SETD1A: variants seen among roughly 807,000 people sequenced by gnomAD.
The protein encoded by SETD1A is SET domain containing 1A, histone lysine methyltransferase.
SETD1A carries 29 observed loss-of-function variants against 149.9 expected under a neutral mutation model. The observed-to-expected ratio is 0.19, with a 90% CI of 0.14 to 0.26. The LOEUF (loss-of-function observed/expected upper bound fraction) is 0.26. Ranked by LOEUF, SETD1A falls within the 10% of genes least tolerant of loss-of-function variation. The pLI, the probability that SETD1A is intolerant of heterozygous loss-of-function variation, is 1.00. For synonymous variants in SETD1A, 1,141 were observed against 968.5 expected, an observed-to-expected ratio of 1.18 and a Z score of -3.31; for missense variants, 2,109 against 2,353.1, an observed-to-expected ratio of 0.90 and a Z score of 2.15.
chr16:30,960,833 T>G (rs2056043290), intron 3 of SETD1A, among the ~76,000 whole-genome samples: 1 of 150,648 alleles, frequency 6.6e-6, no homozygotes, highest in Non-Finnish European at 1.5e-5. Context: ...CCTGCCAGGT[T>G]CAAGTGATTC....
In SETD1A at chr16:30,964,767, C is replaced by G. The variant is rs1016909934; in HGVS notation, c.1025C>G (p.Ser342Cys). Residue 342 changes from serine to cysteine, a missense_variant, in exon 7 of 19, where the codon TCC becomes TGC. Around this residue, in one of 8 missense-constraint regions of SETD1A, gnomAD observed 410 missense variants for 394.8 expected, o/e 1.04. Transcript: ENST00000262519. Reference sequence around the variant, plus strand: ...ACTGCCTCATCCTCCGCCTCTTCCTCCTCATTGTCCTCGTCCTCCTCGTCA... The same window carrying G: ...ACTGCCTCATCCTCCGCCTCTTCCTGCTCATTGTCCTCGTCCTCCTCGTCA... The part of the protein sequence containing the change: ...AATASSSASS[S>C]SLSSSSSSSS... 1.2e-5 allele frequency: 20 copies of G among 1,614,118 alleles called. No homozygotes were observed. Among genetic ancestry groups the G allele is most frequent in the Non-Finnish European group, 1.7e-5 (20 of 1,180,046 alleles).
rs142382768 is a variant in SETD1A, at chr16:30,966,175, C to T, written c.2294C>T (p.Ser765Leu). The stretch of plus-strand genomic sequence containing the variant: ...GAGCCCCTGCCCTCCTCCTCAGTCT[C>T]GGGAGAGGAGGCCCGGCTGCCACCC... ...AAEPLPSSSV[S>L]GEEARLPPRE... The change falls in exon 8 of 19, where the codon TCG (serine) becomes TTG (leucine). Residue 765 changes from serine to leucine, a missense_variant. Around this residue, in one of 8 missense-constraint regions of SETD1A, gnomAD observed 431 missense variants for 388.6 expected, o/e 1.11. Transcript: ENST00000262519. 80 of 1,611,068 alleles carry T rather than the reference C, an allele frequency of 5.0e-5. No individual in the cohort carries two copies. Among genetic ancestry groups the T allele is most frequent in the Middle Eastern group, 1.6e-4 (1 of 6,082 alleles).
chr16:30,977,569 C>T (rs189969748), intron 13 of SETD1A, among the ~76,000 whole-genome samples: 172 of 152,298 alleles, frequency 1.1e-3, no homozygotes, highest in Non-Finnish European at 1.9e-3. Context: ...CGAGGCTTCC[C>T]GAGGACATGC....
intron 13 of SETD1A, 100 bp from the exon 14 acceptor site, chr16:30,979,045 G>A (rs997923347): frequency 8.9e-6 from 11 of 1,235,566 alleles, no homozygotes; most frequent in Middle Eastern, 5.7e-4. Flanking sequence ...GTTCCTGGGC[G>A]GAAGTGGGGG....
chr16:30,965,949 C>T lies in SETD1A; in HGVS notation c.2068C>T (p.Leu690Phe), dbSNP rs1032607781. The change falls in exon 8 of 19, where the codon CTC becomes TTC. Residue 690 changes from leucine to phenylalanine, a missense_variant. Physicochemically the swap from Leu to Phe is conservative, Grantham distance 22. This residue lies in a region of SETD1A where 431 missense variants were observed against 388.6 expected (regional missense o/e 1.11). Transcript: ENST00000262519. Reference sequence around the variant, plus strand: ...GATGCAGACCCAGATGTTAACTCGGCTCCATCAGCTGCGGCAGGGCAAGGG... The same window carrying T: ...GATGCAGACCCAGATGTTAACTCGGTTCCATCAGCTGCGGCAGGGCAAGGG... ...FQMQTQMLTR[L>F]HQLRQGKGLI... 3 of 1,607,236 alleles carry T rather than the reference C, an allele frequency of 1.9e-6. No individual in the cohort carries two copies. The highest frequency in any genetic ancestry group is 2.5e-6 in the Non-Finnish European group (3 of 1,176,594).
chr16:30,967,734 G>C (rs1596679037), intron 10 of SETD1A, 146 bp downstream of exon 10: 1 of 673,774 alleles, frequency 1.5e-6, no homozygotes, highest in African/African-American at 1.8e-5. Context: ...TGAGAGGTAT[G>C]GGATGCACCA....
At chr16:30,970,946 T>C (rs2056216442) in intron 12 of SETD1A, among the ~76,000 whole-genome samples, 1 of 152,196 alleles carries the variant, frequency 6.6e-6, no homozygotes, top group African/African-American at 2.4e-5. Flanking sequence ...TTTTTTAACC[T>C]TTTCAGCCCA....
rs775916503 is a variant in SETD1A at position 30,969,354 on chromosome 16, G to A, written c.2820G>A (p.Lys940=). Residue 940 remains lysine (K), a synonymous_variant, in exon 11 of 19, where the codon AAG becomes AAA. Transcript: ENST00000262519. The stretch of plus-strand genomic sequence containing the variant: ...GAGAGCCAGGACGTCCGGGGACCAA[G>A]CCCCCGAAGCGGGACGAAGAGCGAG... The part of the protein sequence containing the change: ...EAGEPGRPGT[K]PPKRDEERGK... 70 of 1,614,108 alleles carry A rather than the reference G, an allele frequency of 4.3e-5. No homozygotes were observed. The highest frequency in any genetic ancestry group is 1.5e-4 in the African/African-American group (11 of 74,950).
intron 13 of SETD1A, among the ~76,000 whole-genome samples, chr16:30,977,287 C>G (rs1301953420): frequency 6.6e-6 from 1 of 152,056 alleles, no homozygotes; most frequent in Non-Finnish European, 1.5e-5. Context: ...TCAGTCACCA[C>G]CGTCTTAGTG....
At chr16:30,959,743 C>A (rs376478086) in intron 3 of SETD1A, among the ~76,000 whole-genome samples, 9 of 31,086 alleles carry the variant, frequency 2.9e-4, no homozygotes, top group East Asian at 0.026. Flanking sequence ...TCCCTTCATT[C>A]TTCTTCTTCT....
rs780795627 is a variant in SETD1A at position 30,965,185 on chromosome 16, C to G, written c.1443C>G (p.Pro481=). Residue 481 remains proline (P), a synonymous_variant, in exon 7 of 19, where the codon CCC becomes CCG. Coordinates refer to ENST00000262519, the MANE Select transcript of SETD1A (RefSeq NM_014712.3). ...PAPETTNESV[P]FAQHSSLDSR... ...CGGAGACCACCAATGAGAGTGTGCC[C>G]TTCGCCCAGCACAGCAGCCTGGATT... is the stretch of plus-strand genomic sequence containing the variant. 2 of 1,614,052 alleles carry G rather than the reference C, an allele frequency of 1.2e-6. No individual in the cohort carries two copies. Among genetic ancestry groups the G allele is most frequent in the East Asian group, 2.2e-5 (1 of 44,874 alleles).
At chr16:30,962,541 G>T (rs1305417191) in intron 4 of SETD1A, among the ~76,000 whole-genome samples, 1 of 152,246 alleles carries the variant, frequency 6.6e-6, no homozygotes, top group Non-Finnish European at 1.5e-5. Flanking sequence ...GAGCAGTGGG[G>T]TCTGTGGCGA....
chr16:30,969,871 G>A lies in SETD1A; in HGVS notation c.3016+182G>A, dbSNP rs191325741. On this transcript the variant is annotated intron_variant, in intron 12 of 18. Coordinates refer to ENST00000262519, the MANE Select transcript of SETD1A (RefSeq NM_014712.3). Reference sequence around the variant, plus strand: ...TGGCCCCTTGACAGCAATAAGCTCAGTGCTCAAAATGCTCCCTCCTGCTCC... The same window carrying A: ...TGGCCCCTTGACAGCAATAAGCTCAATGCTCAAAATGCTCCCTCCTGCTCC... Among the ~76,000 whole-genome samples the A allele has an allele frequency of 7.2e-5, 11 of 152,318 alleles. No homozygotes were observed. The East Asian group carries it at 2.1e-3, about 29-fold the overall frequency.
chr16:30,967,702 C>A, intron 10 of SETD1A, 114 bp downstream of exon 10: 1 of 825,424 alleles, frequency 1.2e-6, no homozygotes, highest in Non-Finnish European at 2.0e-6. Flanking sequence ...GGTGGAGGTG[C>A]AGGGTTGAAA....
At chr16:30,964,040 C>T (rs1337817838) in intron 5 of SETD1A, 54 bp from the exon 6 acceptor site, 31 of 1,400,422 alleles carry the variant, frequency 2.2e-5, no homozygotes, top group Non-Finnish European at 3.1e-5. Flanking sequence ...AAGGGCAGGT[C>T]TCAAGTGGTG....
chr16:30,965,087 C>G lies in SETD1A; in HGVS notation c.1345C>G (p.Pro449Ala), dbSNP rs1021150813. 10 of 1,611,200 alleles carry G rather than the reference C, an allele frequency of 6.2e-6. No homozygotes were observed. In the Admixed American group the frequency reaches 6.7e-5, roughly 11 times the overall value. Residue 449 changes from proline (P) to alanine (A), a missense_variant, in exon 7 of 19, where the codon CCC (proline) becomes GCC (alanine). Around this residue, in one of 8 missense-constraint regions of SETD1A, gnomAD observed 410 missense variants for 394.8 expected, o/e 1.04. Transcript: ENST00000262519. ...TGGTGGAGGCGGGGGTGGAGGAGGG[C>G]CCAGCCCTGAGAGAGAAGAAGTTCG... ...EPGGGGGGGG[P>A]SPEREEVRTS... is the part of the protein sequence containing the mutation.
At chr16:30,959,432 A>T (rs1036919963) in intron 3 of SETD1A, among the ~76,000 whole-genome samples, 1 of 151,550 alleles carries the variant, frequency 6.6e-6, no homozygotes, top group African/African-American at 2.4e-5. Flanking sequence ...TGAGGTAAAG[A>T]CTCTTTAGCT....
chr16:30,981,955 A>G (rs892514513), intron 17 of SETD1A, among the ~76,000 whole-genome samples: 1 of 152,092 alleles, frequency 6.6e-6, no homozygotes, highest in Non-Finnish European at 1.5e-5. Flanking sequence ...TGTCTCTAGA[A>G]AAAACAAAAG....
intron 17 of SETD1A, among the ~76,000 whole-genome samples, chr16:30,982,351 A>G (rs1417381249): frequency 6.6e-6 from 1 of 151,738 alleles, no homozygotes; most frequent in Non-Finnish European, 1.5e-5. Context: ...AAATACAAAA[A>G]TTAGCCAGGC....
Sources: allele counts gnomAD v4.1 joint callset (sites outside exome capture counted in the v4.1 genomes callset), GRCh38; gene constraint gnomAD v4.1.1; regional missense constraint gnomAD v4.1.1; transcripts MANE v1.5; gene names NCBI Gene and HGNC (gene_info 2026-07-23, HGNC 2026-07-21).